The following SPMIP2 variants were observed in gnomAD, a reference collection of about 807,000 sequenced individuals.
SPMIP2 encodes sperm microtubule inner protein 2.
chr4:158,933,876 T>C, the SPMIP2 span, among the ~76,000 whole-genome samples: 1 of 152,182 alleles, frequency 6.6e-6, no homozygotes, highest in African/African-American at 2.4e-5. Flanking sequence ...ATCAACATAT[T>C]GATGTTTAAA....
the SPMIP2 span, among the ~76,000 whole-genome samples, chr4:158,982,840 G>T: frequency 6.6e-6 from 1 of 152,080 alleles, no homozygotes; most frequent in Non-Finnish European, 1.5e-5. Flanking sequence ...AGAGAAGAAG[G>T]CTTCAGACGA....
the SPMIP2 span, among the ~76,000 whole-genome samples, chr4:158,972,916 G>C: frequency 2.6e-5 from 4 of 152,288 alleles, no homozygotes; most frequent in Admixed American, 2.6e-4. Flanking sequence ...CTCCAGGAGT[G>C]GAGCACATGC....
At chr4:159,042,298 C>T in the SPMIP2 span, among the ~76,000 whole-genome samples, 5 of 152,220 alleles carry the variant, frequency 3.3e-5, no homozygotes, top group South Asian at 2.1e-4. Flanking sequence ...TTGCTCTCTT[C>T]GAGGCTGCTG....
the SPMIP2 span, among the ~76,000 whole-genome samples, chr4:159,018,862 A>T: frequency 1.3e-5 from 2 of 152,170 alleles, no homozygotes; most frequent in Non-Finnish European, 2.9e-5. Flanking sequence ...AGGCTGTGGC[A>T]GGCGGATCAC....
chr4:159,080,165 A>G, the SPMIP2 span, among the ~76,000 whole-genome samples: 5 of 152,120 alleles, frequency 3.3e-5, no homozygotes, highest in African/African-American at 4.8e-5. Flanking sequence ...CTTACAATCT[A>G]GAAAAGATAT....
At chr4:158,966,705 A>C in the SPMIP2 span, among the ~76,000 whole-genome samples, 1 of 152,258 alleles carries the variant, frequency 6.6e-6, no homozygotes, top group African/African-American at 2.4e-5. Flanking sequence ...AAGCCTTAAC[A>C]AGAGTTCATA....
At chr4:159,002,965 C>T in the SPMIP2 span, among the ~76,000 whole-genome samples, 5 of 152,190 alleles carry the variant, frequency 3.3e-5, no homozygotes, top group Non-Finnish European at 7.4e-5. Flanking sequence ...CTTCCTGCTT[C>T]TTCAATTTCC....
the SPMIP2 span, among the ~76,000 whole-genome samples, chr4:158,966,948 G>T: frequency 6.6e-6 from 1 of 152,190 alleles, no homozygotes. Flanking sequence ...GGTAATTGGG[G>T]GCGGGGATGC....
chr4:158,978,602 G>A, the SPMIP2 span, among the ~76,000 whole-genome samples: 3 of 152,314 alleles, frequency 2.0e-5, no homozygotes, highest in South Asian at 2.1e-4. Context: ...GGGTGCTCCT[G>A]TACTGAGTGC....
chr4:158,994,324 G>T, the SPMIP2 span, among the ~76,000 whole-genome samples: 1 of 152,186 alleles, frequency 6.6e-6, no homozygotes, highest in South Asian at 2.1e-4. Flanking sequence ...AAGTCATATT[G>T]GGTGAGAGGC....
the SPMIP2 span, among the ~76,000 whole-genome samples, chr4:159,002,113 A>G: frequency 6.6e-6 from 1 of 152,084 alleles, no homozygotes; most frequent in Admixed American, 6.6e-5. Flanking sequence ...TCTTGGCCAC[A>G]TGTATGTCTT....
At chr4:159,064,045 T>C in the SPMIP2 span, among the ~76,000 whole-genome samples, 1 of 152,212 alleles carries the variant, frequency 6.6e-6, no homozygotes, top group Non-Finnish European at 1.5e-5. Context: ...CTCATTTTAA[T>C]GTTCAAAACA....
the SPMIP2 span, among the ~76,000 whole-genome samples, chr4:158,984,621 A>G: frequency 6.6e-6 from 1 of 152,036 alleles, no homozygotes; most frequent in Non-Finnish European, 1.5e-5. Flanking sequence ...TCTCTGGGAC[A>G]CATTCAAAGC....
chr4:158,981,297 A>G, the SPMIP2 span, among the ~76,000 whole-genome samples: 2 of 152,134 alleles, frequency 1.3e-5, no homozygotes, highest in Non-Finnish European at 2.9e-5. Flanking sequence ...ATATTACCCA[A>G]ACGAACTTCC....
chr4:158,995,229 C>A, the SPMIP2 span, among the ~76,000 whole-genome samples: 8 of 152,182 alleles, frequency 5.3e-5, no homozygotes, highest in African/African-American at 1.9e-4. Context: ...TGTTATTATT[C>A]TTTTTGTTTT....
At chr4:158,938,043 C>T in the SPMIP2 span, among the ~76,000 whole-genome samples, 1 of 152,130 alleles carries the variant, frequency 6.6e-6, no homozygotes, top group African/African-American at 2.4e-5. Context: ...AATGGGTCTG[C>T]GTATCTATGG....
chr4:159,067,014 G>A, the SPMIP2 span, among the ~76,000 whole-genome samples: 1 of 152,122 alleles, frequency 6.6e-6, no homozygotes, highest in African/African-American at 2.4e-5. Context: ...TCAAAAAACT[G>A]ATCCCAATAA....
the SPMIP2 span, among the ~76,000 whole-genome samples, chr4:158,946,046 T>C: frequency 2.0e-5 from 3 of 152,178 alleles, no homozygotes; most frequent in Non-Finnish European, 4.4e-5. Context: ...TGCTAAGAAA[T>C]TATAGATGAC....
the SPMIP2 span, among the ~76,000 whole-genome samples, chr4:158,989,022 C>G: frequency 6.6e-6 from 1 of 152,170 alleles, no homozygotes; most frequent in Non-Finnish European, 1.5e-5. Context: ...AGCTGATAAG[C>G]AACTTTGGCA....
Sources: allele counts gnomAD v4.1 joint callset (sites outside exome capture counted in the v4.1 genomes callset), GRCh38; gene constraint gnomAD v4.1.1; transcripts MANE v1.5; gene names NCBI Gene and HGNC (gene_info 2026-07-23, HGNC 2026-07-21).